TBC1D21: variants seen among roughly 807,000 people sequenced by gnomAD.
TBC1D21 encodes male germ cell Rab GTPase-activating protein.
A neutral mutation model predicts 46.0 loss-of-function variants in TBC1D21; 38 were observed. The ratio of observed to expected loss-of-function variants is 0.83; its 90% CI spans 0.64 to 1.08. TBC1D21 has a LOEUF of 1.08. Among genes scored for constraint, TBC1D21 ranks in the 50% least tolerant of loss-of-function variants. The probability of loss-of-function intolerance (pLI) is 0.00; values close to 1 mark genes in which losing one functional copy is unlikely to be tolerated. For synonymous variants in TBC1D21, 151 were observed against 157.2 expected (o/e 0.96, Z 0.29); for missense variants, 415 against 417.9 (o/e 0.99, Z 0.06).
At chr15:73,892,734 G>T (rs1022129795), downstream of TBC1D21, among the ~76,000 whole-genome samples, 2 of 152,226 alleles carry the variant, frequency 1.3e-5, no homozygotes, top group Admixed American at 1.3e-4. Flanking sequence ...AGTGCGAGCC[G>T]AATGCCTGCC....
At chr15:73,907,817 C>A in the TBC1D21 span, among the ~76,000 whole-genome samples, 1 of 151,934 alleles carries the variant, frequency 6.6e-6, no homozygotes, top group Middle Eastern at 3.4e-3. Context: ...AAATTGTTTT[C>A]TAACTTCCCT....
intron 3 of TBC1D21, among the ~76,000 whole-genome samples, chr15:73,882,622 A>G (rs1010058463): frequency 6.6e-6 from 1 of 152,182 alleles, no homozygotes; most frequent in Non-Finnish European, 1.5e-5. Context: ...TGGATTTGGA[A>G]ACCGGGTTCA....
At chr15:73,904,245 G>A in the TBC1D21 span, among the ~76,000 whole-genome samples, 1 of 152,130 alleles carries the variant, frequency 6.6e-6, no homozygotes, top group African/African-American at 2.4e-5. Context: ...GTGGGCTGTT[G>A]GCCCAAAGTC....
At chr15:73,895,260 G>A in the TBC1D21 span, among the ~76,000 whole-genome samples, 2 of 152,180 alleles carry the variant, frequency 1.3e-5, no homozygotes, top group Admixed American at 6.5e-5. Flanking sequence ...CTTAGAGGGA[G>A]TTCAAGGAAG....
rs202195345 is a variant in TBC1D21 at position 73,884,995 on chromosome 15, C to T, written c.479-8C>T. On this transcript the variant is annotated splice_region_variant and splice_polypyrimidine_tract_variant and intron_variant, in intron 5 of 10. Transcript: ENST00000300504. ...AGCCCCTCCTCCCCAACCCCCTCTT[C>T]GCCACAGAGTACCAGCAGGGCTTCC... 1.8e-5 allele frequency: 26 copies of T among 1,473,144 alleles called. No individual in the cohort carries two copies. The highest frequency in any genetic ancestry group is 1.2e-4 in the East Asian group (5 of 41,666). The allele number at this position is 1,473,144 out of a possible 1,614,324, so 91.3% of individuals were successfully genotyped here. A position where few individuals can be genotyped will look rare whatever the true frequency, so the allele number is the denominator to read the frequency against.
chr15:73,896,296 C>T, the TBC1D21 span, among the ~76,000 whole-genome samples: 155 of 67,582 alleles, frequency 2.3e-3, 2 homozygotes, highest in East Asian at 0.028. Flanking sequence ...ATGGCAATGC[C>T]GAGGTGAGGG....
chr15:73,899,579 G>T, the TBC1D21 span, among the ~76,000 whole-genome samples: 1 of 152,168 alleles, frequency 6.6e-6, no homozygotes, highest in Non-Finnish European at 1.5e-5. Context: ...TCTGGCCAAG[G>T]GTCTGGAGGT....
chr15:73,888,445 A>C lies in TBC1D21; in HGVS notation c.910A>C (p.Ile304Leu). 6.2e-7 allele frequency: 1 copy of C among 1,613,802 alleles called. No individual in the cohort carries two copies. Among genetic ancestry groups the C allele is most frequent in the Non-Finnish European group, 8.5e-7 (1 of 1,179,902 alleles). ...TCCCATGCAGGCCTGCAACAACCTC[A>C]TCGACCTTGATGCTGATGAGCTGAT... Reference protein sequence around the residue: ...DDILLACNNLIDLDADELISA... With the variant: ...DDILLACNNLLDLDADELISA... The change falls in exon 10 of 11, where the codon ATC becomes CTC. Residue 304 changes from isoleucine to leucine, a missense_variant. Physicochemically the swap from Ile to Leu is conservative, Grantham distance 5. Coordinates refer to ENST00000300504, the MANE Select transcript of TBC1D21 (RefSeq NM_153356.3).
Position 73,881,866 on chromosome 15 carries a change from A to C in TBC1D21, c.272+119A>C, listed in dbSNP as rs1287484954. The C allele has an allele frequency of 4.6e-6, 4 of 876,932 alleles. No homozygotes were observed. The Admixed American group carries it at 6.2e-5, about 14-fold the overall frequency. The allele number at this position is 876,932 out of a possible 1,614,324, so 54.3% of individuals were successfully genotyped here. A position where few individuals can be genotyped will look rare whatever the true frequency, so the allele number is the denominator to read the frequency against. On this transcript the variant is annotated intron_variant, in intron 3 of 10. Transcript: ENST00000300504. Reference sequence around the variant, plus strand: ...AACTTCTTATTCCGAGAGGAACCCCATGCCTCCTGACCCAGGCACAGCACA... The same window carrying C: ...AACTTCTTATTCCGAGAGGAACCCCCTGCCTCCTGACCCAGGCACAGCACA...
chr15:73,876,214 T>G (rs1250100806), intron 1 of TBC1D21, among the ~76,000 whole-genome samples: 24,038 of 62,364 alleles, frequency 0.39, 7,277 homozygotes, highest in East Asian at 0.78. Flanking sequence ...TTTTTTTTTT[T>G]TTTTTTTTTT....
At chr15:73,907,211 T>G in the TBC1D21 span, among the ~76,000 whole-genome samples, 1 of 152,166 alleles carries the variant, frequency 6.6e-6, no homozygotes, top group Admixed American at 6.5e-5. Context: ...AGCAAGCAGC[T>G]AAATATAGTT....
At chr15:73,898,880 A>AAAATATATAT in the TBC1D21 span, among the ~76,000 whole-genome samples, 6 of 56,800 alleles carry the variant, frequency 1.1e-4, no homozygotes, top group African/African-American at 3.2e-4. Context: ...AAAAAAAAAA[A>AAAATATATAT]ATATATATAT....
At chr15:73,891,433 G>A (rs2068335581), downstream of TBC1D21, among the ~76,000 whole-genome samples, 1 of 152,190 alleles carries the variant, frequency 6.6e-6, no homozygotes, top group Non-Finnish European at 1.5e-5. Context: ...GCTGCAGTGG[G>A]GGAGGCGCAG....
At position 73,876,221 on chromosome 15, in the gene TBC1D21, T is replaced by G. The variant is rs1410138889; in HGVS notation, c.60+2452T>G. Reference sequence around the variant, plus strand: ...TGGGTTTTTTTTTTTTTTTTTTTTTTTTTTTTTTTTTTTTTTTTTTTTTTG... The same window carrying G: ...TGGGTTTTTTTTTTTTTTTTTTTTTGTTTTTTTTTTTTTTTTTTTTTTTTG... On this transcript the variant is annotated intron_variant, in intron 1 of 10. Coordinates refer to ENST00000300504, the MANE Select transcript of TBC1D21 (RefSeq NM_153356.3). Among the ~76,000 whole-genome samples, 131 of 36,278 alleles carry G rather than the reference T, an allele frequency of 3.6e-3. 8 individuals are homozygous for G. The highest frequency in any genetic ancestry group is 0.024 in the East Asian group (7 of 294). The allele number at this position is 36,278 out of a possible 152,430, so 23.8% of individuals were successfully genotyped here.
At chr15:73,904,540 CCCG>C in the TBC1D21 span, among the ~76,000 whole-genome samples, 1 of 152,328 alleles carries the variant, frequency 6.6e-6, no homozygotes, top group South Asian at 2.1e-4. Flanking sequence ...GGCCTCCCCT[CCCG>C]CCATGTGCCA....
At chr15:73,902,291 G>A in the TBC1D21 span, among the ~76,000 whole-genome samples, 2 of 152,158 alleles carry the variant, frequency 1.3e-5, no homozygotes, top group Non-Finnish European at 2.9e-5. Context: ...GCATCCTCTT[G>A]TTGACACCTC....
In TBC1D21 at chr15:73,884,229, G is replaced by C. The variant is rs938957420; in HGVS notation, c.351G>C (p.Glu117Asp). The C allele has an allele frequency of 6.2e-7, 1 of 1,614,228 alleles. No individual in the cohort carries two copies. The highest frequency in any genetic ancestry group is 8.5e-7 in the Non-Finnish European group (1 of 1,180,038). Reference sequence around the variant, plus strand: ...AAAACCTGCACCGGAACTTCACAGAGACTCGCAATAACATTGGTGAGCAAA... The same window carrying C: ...AAAACCTGCACCGGAACTTCACAGACACTCGCAATAACATTGGTGAGCAAA... ...LLENLHRNFT[E>D]TRNNIARDIQ... The change falls in exon 4 of 11, where the codon GAG becomes GAC. Residue 117 changes from glutamate (E) to aspartate (D), a missense_variant. By Grantham distance (45) the Glu-to-Asp change is conservative. Coordinates refer to ENST00000300504, the MANE Select transcript of TBC1D21 (RefSeq NM_153356.3).
intron 9 of TBC1D21, 118 bp from the exon 10 acceptor site, chr15:73,888,312 C>A (rs949752575): frequency 1.7e-5 from 14 of 801,552 alleles, no homozygotes; most frequent in East Asian, 8.1e-5. Context: ...TGGTCCCCAG[C>A]GACTGCTGTG....
At chr15:73,882,883 G>C (rs2068179308) in intron 3 of TBC1D21, among the ~76,000 whole-genome samples, 1 of 152,226 alleles carries the variant, frequency 6.6e-6, no homozygotes, top group African/African-American at 2.4e-5. Context: ...TGGGCACTTG[G>C]TCCCACAGTA....
Sources: allele counts gnomAD v4.1 joint callset (sites outside exome capture counted in the v4.1 genomes callset), GRCh38; gene constraint gnomAD v4.1.1; transcripts MANE v1.5; gene names NCBI Gene and HGNC (gene_info 2026-07-23, HGNC 2026-07-21).